The following ANTXR2 variants were observed in gnomAD, a reference collection of about 807,000 sequenced individuals.
ANTXR2 encodes anthrax toxin receptor 2.
ANTXR2 carries 44 observed loss-of-function variants against 73.7 expected under a neutral mutation model. The observed-to-expected ratio is 0.60, with a 90% CI of 0.47 to 0.77. The LOEUF is 0.77. Among genes scored for constraint, ANTXR2 ranks in the 30% least tolerant of loss-of-function variants. The pLI is 0.00. For synonymous variants in ANTXR2, 217 were observed against 205.9 expected, an observed-to-expected ratio of 1.05 and a Z score of -0.46; for missense variants, 604 against 592.5, an observed-to-expected ratio of 1.02 and a Z score of -0.20.
rs1367152152 is a variant in ANTXR2 at position 79,907,446 on chromosome 4, G to A, written c.1450C>T (p.Arg484Ter). 4 of 1,612,906 alleles carry A rather than the reference G, an allele frequency of 2.5e-6. No individual in the cohort carries two copies. In the Admixed American group the frequency reaches 5.0e-5, roughly 20 times the overall value. ...GDEGRCINFS[R>*]VPSQ ...CTTCCCTTTTACTGAGATGGAACTC[G>A]GGAGAAGTTTATGCACCGGCCCTGA... Residue 484 changes from arginine (R) to a stop codon, truncating the protein, a stop_gained, in exon 17 of 17, where the codon CGA becomes TGA. Transcript: ENST00000403729. LOFTEE classifies it high-confidence loss of function.
intron 16 of ANTXR2, among the ~76,000 whole-genome samples, chr4:79,960,132 G>T (rs747295083): frequency 5.9e-5 from 9 of 152,088 alleles, no homozygotes; most frequent in Non-Finnish European, 1.3e-4. Context: ...TCACCAATCT[G>T]CACTAGGTTC....
chr4:79,936,410 C>A (rs1282610112), intron 16 of ANTXR2, among the ~76,000 whole-genome samples: 2 of 152,176 alleles, frequency 1.3e-5, no homozygotes, highest in Non-Finnish European at 2.9e-5. Context: ...GGTTGCACTG[C>A]ATTAGAACTC....
intron 12 of ANTXR2, among the ~76,000 whole-genome samples, chr4:79,997,379 C>G (rs1344275058): frequency 2.0e-5 from 3 of 151,552 alleles, no homozygotes; most frequent in African/African-American, 7.3e-5. Flanking sequence ...GCCTAGGGAC[C>G]CACAGACAAT....
At chr4:80,055,890 G>A in intron 4 of ANTXR2, 42 bp downstream of exon 4, 1 of 1,342,934 alleles carries the variant, frequency 7.4e-7, no homozygotes, top group Non-Finnish European at 1.0e-6. Flanking sequence ...CACAGAATAA[G>A]AAAGCATTCT....
At chr4:79,987,109 A>G (rs530097572) in intron 12 of ANTXR2, among the ~76,000 whole-genome samples, 32 of 152,284 alleles carry the variant, frequency 2.1e-4, no homozygotes, top group Non-Finnish European at 4.3e-4. Flanking sequence ...TACCTCCACA[A>G]ACTATCTCAA....
At chr4:80,066,712 T>TTTATGGGG (rs70944761) in intron 3 of ANTXR2, among the ~76,000 whole-genome samples, 55,976 of 151,542 alleles carry the variant, frequency 0.37, 11,069 homozygotes, top group Middle Eastern at 0.51. Context: ...ATGTAACAAT[T>TTTATGGGG]TTATGGGGTA....
intron 10 of ANTXR2, 145 bp from the exon 11 acceptor site, chr4:80,019,121 C>A: frequency 1.8e-6 from 1 of 553,324 alleles, no homozygotes; most frequent in Non-Finnish European, 3.0e-6. Flanking sequence ...ATGATCCACC[C>A]ACCTCGGCCT....
At chr4:80,072,322 G>T in intron 1 of ANTXR2, 87 bp downstream of exon 1, 2 of 1,404,788 alleles carry the variant, frequency 1.4e-6, no homozygotes, top group East Asian at 2.8e-5. Flanking sequence ...ACCACTCCCC[G>T]GGGTGCGCAC....
chr4:79,919,894 TA>T (rs1727516784), intron 16 of ANTXR2, among the ~76,000 whole-genome samples: 1 of 15,690 alleles, frequency 6.4e-5, no homozygotes, highest in Admixed American at 5.3e-4. Context: ...TATATATATA[TA>T]TATATATATA....
intron 8 of ANTXR2, among the ~76,000 whole-genome samples, chr4:80,034,013 C>T (rs1223807242): frequency 2.6e-5 from 4 of 152,168 alleles, no homozygotes; most frequent in South Asian, 4.1e-4. Flanking sequence ...TTCGAAAAGT[C>T]GTATGTAGTA....
At chr4:80,027,055 C>A (rs1259803896) in intron 10 of ANTXR2, among the ~76,000 whole-genome samples, 1 of 152,022 alleles carries the variant, frequency 6.6e-6, no homozygotes, top group African/African-American at 2.4e-5. Flanking sequence ...TAGCTTTAAC[C>A]CATATCATCA....
At chr4:80,070,271 A>G (rs17509802) in intron 2 of ANTXR2, among the ~76,000 whole-genome samples, 51,561 of 152,094 alleles carry the variant, frequency 0.34, 9,810 homozygotes, top group Non-Finnish European at 0.44. Flanking sequence ...CCCCTTATTC[A>G]CTTCCTACAA....
intron 3 of ANTXR2, among the ~76,000 whole-genome samples, chr4:80,067,087 T>A (rs1734535293): frequency 1.3e-5 from 2 of 152,064 alleles, no homozygotes; most frequent in African/African-American, 4.8e-5. Context: ...GTGCCTGTAG[T>A]CTCAGCTACG....
At chr4:80,062,986 CA>C (rs1186033630) in intron 3 of ANTXR2, among the ~76,000 whole-genome samples, 1 of 147,254 alleles carries the variant, frequency 6.8e-6, no homozygotes, top group African/African-American at 2.5e-5. Flanking sequence ...AAAGCAACAG[CA>C]AGAAAAGAAA....
intron 16 of ANTXR2, among the ~76,000 whole-genome samples, chr4:79,918,984 C>T (rs1727463065): frequency 1.3e-5 from 2 of 151,744 alleles, no homozygotes; most frequent in African/African-American, 4.8e-5. Flanking sequence ...TGATGTTATA[C>T]TGAAAGTTAA....
chr4:79,937,711 C>A (rs1436211785), intron 16 of ANTXR2, among the ~76,000 whole-genome samples: 1 of 151,454 alleles, frequency 6.6e-6, no homozygotes, highest in African/African-American at 2.4e-5. Context: ...TTTAAAACCC[C>A]CTAAGAGAGG....
chr4:79,907,489 T>C (rs1446101602), intron 16 of ANTXR2, 22 bp from the exon 17 acceptor site: 5 of 1,606,424 alleles, frequency 3.1e-6, no homozygotes, highest in Non-Finnish European at 4.3e-6. Flanking sequence ...AATAAATCCA[T>C]ATTGAAATAT....
At chr4:79,995,054 GCCCACCAACT>G (rs1730658653) in intron 12 of ANTXR2, among the ~76,000 whole-genome samples, 1 of 151,924 alleles carries the variant, frequency 6.6e-6, no homozygotes, top group African/African-American at 2.4e-5. Flanking sequence ...TCACAGAGTA[GCCCACCAACT>G]CCCTGTTGTT....
chr4:79,958,484 T>C (rs1225647223), intron 16 of ANTXR2, among the ~76,000 whole-genome samples: 1 of 152,158 alleles, frequency 6.6e-6, no homozygotes, highest in Admixed American at 6.6e-5. Context: ...TTAAGATTAA[T>C]GACAGAAGTC....
Sources: gnomAD v4.1 joint callset for allele counts (sites outside exome capture counted in the v4.1 genomes callset) on GRCh38, gnomAD v4.1.1 for gene constraint, MANE v1.5 for transcripts, NCBI Gene and HGNC (gene_info 2026-07-23, HGNC 2026-07-21) for gene names.